CPSF3: variants seen among roughly 807,000 people sequenced by gnomAD.
CPSF3 encodes cleavage and polyadenylation specific factor 3, also known as cleavage and polyadenylation specificity factor subunit 3.
CPSF3 carries 57 observed loss-of-function variants against 84.1 expected under a neutral mutation model. The ratio of observed to expected loss-of-function variants is 0.68; its 90% CI spans 0.55 to 0.85. The LOEUF (loss-of-function observed/expected upper bound fraction) is 0.85. CPSF3 is among the 40% of genes least tolerant of loss of function. CPSF3 has a pLI of 0.00. For synonymous variants in CPSF3, 275 were observed against 278.1 expected, an observed-to-expected ratio of 0.99 and a Z score of 0.11; for missense variants, 522 against 838.8, an observed-to-expected ratio of 0.62 and a Z score of 4.66.
intron 10 of CPSF3, among the ~76,000 whole-genome samples, chr2:9,445,528 T>C (rs1329718369): frequency 6.6e-6 from 1 of 152,226 alleles, no homozygotes; most frequent in African/African-American, 2.4e-5. Flanking sequence ...TATTTGCCAC[T>C]GGCCCTTAAT....
At chr2:9,436,928 G>A (rs141304335) in intron 7 of CPSF3, among the ~76,000 whole-genome samples, 13 of 152,022 alleles carry the variant, frequency 8.6e-5, no homozygotes, top group East Asian at 5.8e-4. Context: ...CAGCAGTTCC[G>A]CTTCTGGGAA....
chr2:9,449,032 C>T (rs1179847063), intron 11 of CPSF3, among the ~76,000 whole-genome samples: 1 of 152,110 alleles, frequency 6.6e-6, no homozygotes, highest in Non-Finnish European at 1.5e-5. Context: ...GCTCATATCT[C>T]TAAACATATA....
At chr2:9,430,102 G>GT (rs901125398) in intron 3 of CPSF3, 82 bp downstream of exon 3, 7 of 883,532 alleles carry the variant, frequency 7.9e-6, no homozygotes, top group Non-Finnish European at 1.2e-5. Flanking sequence ...TGAGAGTTTG[G>GT]TTTTTTAAAA....
intron 15 of CPSF3, among the ~76,000 whole-genome samples, chr2:9,462,332 A>T (rs1681756888): frequency 6.6e-6 from 1 of 152,226 alleles, no homozygotes; most frequent in South Asian, 2.1e-4. Flanking sequence ...TTTGTAATAT[A>T]GTCAACTAAT....
intron 11 of CPSF3, among the ~76,000 whole-genome samples, chr2:9,452,459 T>G (rs60979347): frequency 0.067 from 10,272 of 152,256 alleles, 1,189 homozygotes; most frequent in African/African-American, 0.23. Flanking sequence ...TTTATTGACC[T>G]TTTTATTCAA....
At chr2:9,444,158 ATT>A (rs869193869) in intron 10 of CPSF3, among the ~76,000 whole-genome samples, 95 of 123,156 alleles carry the variant, frequency 7.7e-4, no homozygotes, top group African/African-American at 3.2e-3. Flanking sequence ...ATATATATAT[ATT>A]TTTTTTTTTT....
intron 1 of CPSF3, among the ~76,000 whole-genome samples, chr2:9,426,666 G>A (rs916824506): frequency 1.3e-5 from 2 of 152,144 alleles, no homozygotes; most frequent in African/African-American, 4.8e-5. Context: ...AGGAAAGCCA[G>A]CAAGACAAGA....
At chr2:9,446,716 C>T (rs938749126) in intron 10 of CPSF3, among the ~76,000 whole-genome samples, 1 of 151,824 alleles carries the variant, frequency 6.6e-6, no homozygotes, top group Non-Finnish European at 1.5e-5. Context: ...AAGATCACGA[C>T]ACTGCACTCC....
chr2:9,425,494 A>C (rs1265878137), intron 1 of CPSF3, among the ~76,000 whole-genome samples: 1 of 152,208 alleles, frequency 6.6e-6, no homozygotes, highest in East Asian at 1.9e-4. Context: ...CTAGCTGACG[A>C]GAGCCTGTAG....
At chr2:9,461,800 C>T (rs1366625893) in intron 15 of CPSF3, among the ~76,000 whole-genome samples, 1 of 137,998 alleles carries the variant, frequency 7.2e-6, no homozygotes, top group African/African-American at 2.8e-5. Flanking sequence ...TCTGCTCTGT[C>T]GCCCAGGCTG....
chr2:9,472,815 A>T, intron 17 of CPSF3, 101 bp from the exon 18 acceptor site: 1 of 867,624 alleles, frequency 1.2e-6, no homozygotes, highest in Non-Finnish European at 1.9e-6. Flanking sequence ...CAGCTGGCTA[A>T]TTTTTTATGA....
chr2:9,465,451 A>T (rs1400654834), intron 15 of CPSF3, among the ~76,000 whole-genome samples: 2 of 152,080 alleles, frequency 1.3e-5, no homozygotes, highest in Non-Finnish European at 2.9e-5. Flanking sequence ...TTCTAAGGGA[A>T]AAAAAGAAGA....
chr2:9,456,997 A>G lies in CPSF3; in HGVS notation c.1668A>G (p.Val556=). The part of the protein sequence containing the change: ...PALKVFKNIT[V]IQEPGMVVLE... ...TGAAAGTGTTCAAAAATATTACTGT[A>G]ATACAAGAACCAGGCATGGTGGTAT... Residue 556 remains valine (V), a synonymous_variant, in exon 14 of 18, where the codon GTA becomes GTG. Transcript: ENST00000238112. 2.5e-6 allele frequency: 4 copies of G among 1,601,892 alleles called. No individual in the cohort carries two copies. The highest frequency in any genetic ancestry group is 2.3e-5 in the South Asian group (2 of 88,516).
chr2:9,429,335 G>C (rs932796607), intron 2 of CPSF3, among the ~76,000 whole-genome samples: 35 of 152,242 alleles, frequency 2.3e-4, no homozygotes, highest in African/African-American at 8.4e-4. Context: ...AGTCAGTTCT[G>C]TGTCTCAGAT....
intron 13 of CPSF3, among the ~76,000 whole-genome samples, chr2:9,456,583 G>A (rs1393113282): frequency 2.0e-5 from 3 of 152,140 alleles, no homozygotes; most frequent in African/African-American, 7.2e-5. Flanking sequence ...GAAGACAGAA[G>A]GTAGATGAAA....
At chr2:9,431,080 A>G (rs1680568725) in intron 4 of CPSF3, among the ~76,000 whole-genome samples, 200 bp downstream of exon 4, 3 of 152,188 alleles carry the variant, frequency 2.0e-5, no homozygotes, top group Admixed American at 2.0e-4. Flanking sequence ...TTTTTGAGAC[A>G]GGATCTTGCT....
rs140500048 is a variant in CPSF3 at position 9,444,964 on chromosome 2, C to T, written c.1242+1303C>T. 1.9e-4 allele frequency among the ~76,000 whole-genome samples: 29 copies of T among 152,268 alleles called. No individual in the cohort carries two copies. In the East Asian group the frequency reaches 4.6e-3, roughly 24 times the overall value. ...TACAGGCATGAGCCACTGCACCTGG[C>T]CTTGCTTGTTGTTTTTTAAATACGT... On this transcript the variant is annotated intron_variant, in intron 10 of 17. Transcript: ENST00000238112.
At chr2:9,431,540 CTTTTTT>C (rs1198118780) in intron 4 of CPSF3, among the ~76,000 whole-genome samples, 3 of 84,140 alleles carry the variant, frequency 3.6e-5, no homozygotes, top group Non-Finnish European at 7.8e-5. Context: ...TTTTTTTTTT[CTTTTTT>C]TTTTTCTTTT....
chr2:9,466,627 G>A (rs1056072439), intron 15 of CPSF3, among the ~76,000 whole-genome samples: 5 of 152,102 alleles, frequency 3.3e-5, no homozygotes, highest in South Asian at 2.1e-4. Flanking sequence ...GCACACCTCC[G>A]AAAAGGAACC....
Sources: allele counts gnomAD v4.1 joint callset (sites outside exome capture counted in the v4.1 genomes callset), GRCh38; gene constraint gnomAD v4.1.1; transcripts MANE v1.5; gene names NCBI Gene and HGNC (gene_info 2026-07-23, HGNC 2026-07-21).